KAZN: variants seen among roughly 807,000 people sequenced by gnomAD.
The protein encoded by KAZN is kazrin.
A neutral mutation model predicts 87.4 loss-of-function variants in KAZN; 40 were observed. That is an observed-to-expected ratio of 0.46 (90% CI 0.36 to 0.60). KAZN has a LOEUF of 0.60. KAZN is among the 20% of genes least tolerant of loss of function. The probability of loss-of-function intolerance (pLI) is 0.00; values close to 1 mark genes in which losing one functional copy is unlikely to be tolerated. For synonymous variants in KAZN, 466 were observed against 458.3 expected, an observed-to-expected ratio of 1.02 and a Z score of -0.22; for missense variants, 898 against 1,073.9, an observed-to-expected ratio of 0.84 and a Z score of 2.29.
intron 1 of KAZN, among the ~76,000 whole-genome samples, chr1:14,853,466 C>T (rs1310844416): frequency 6.6e-6 from 1 of 152,170 alleles, no homozygotes; most frequent in East Asian, 1.9e-4. Context: ...AGCCCCATTT[C>T]TCAGATGGGG....
chr1:13,954,092 C>T (rs1282106799), intron 1 of KAZN, among the ~76,000 whole-genome samples: 1 of 152,084 alleles, frequency 6.6e-6, no homozygotes, highest in Non-Finnish European at 1.5e-5. Flanking sequence ...GAGCAATACA[C>T]GAACAACAAA....
intron 2 of KAZN, among the ~76,000 whole-genome samples, chr1:15,006,221 T>C (rs146558212): frequency 1.4e-4 from 21 of 152,350 alleles, no homozygotes; most frequent in African/African-American, 5.1e-4. Context: ...CAAAGGAGGA[T>C]TCTCATGGCC....
At chr1:14,189,587 A>G (rs1646381928) in intron 2 of KAZN, among the ~76,000 whole-genome samples, 1 of 152,166 alleles carries the variant, frequency 6.6e-6, no homozygotes, top group Non-Finnish European at 1.5e-5. Context: ...CCTCAGCTGC[A>G]ATGACTCACC....
intron 3 of KAZN, among the ~76,000 whole-genome samples, chr1:15,039,961 A>C (rs1360582774): frequency 6.6e-6 from 1 of 152,192 alleles, no homozygotes; most frequent in East Asian, 1.9e-4. Flanking sequence ...GAAAATACTG[A>C]TTTTAAAAAA....
intron 1 of KAZN, among the ~76,000 whole-genome samples, chr1:14,722,567 G>T (rs1296653119): frequency 6.6e-6 from 1 of 152,192 alleles, no homozygotes; most frequent in Non-Finnish European, 1.5e-5. Flanking sequence ...GATTGGTGAT[G>T]TTCTTTTCCC....
Position 15,056,072 on chromosome 1 carries a change from G to C in KAZN, c.727-19G>C, listed in dbSNP as rs1456067084. The stretch of plus-strand genomic sequence containing the variant: ...CCCTTGATCATGACTTCTTCTTCCT[G>C]TCTTCTTGCTCTCTCCAGGCCAAAC... On this transcript the variant is annotated intron_variant, in intron 4 of 14. Coordinates refer to ENST00000376030, the MANE Select transcript of KAZN (RefSeq NM_201628.3). This position sits in a 1 kb window ranked among gnomAD's most constrained non-coding sequence, Gnocchi z 5.4. 6 of 1,585,292 alleles carry C rather than the reference G, an allele frequency of 3.8e-6. No homozygotes were observed. Among genetic ancestry groups the C allele is most frequent in the Non-Finnish European group, 5.2e-6 (6 of 1,158,214 alleles).
intron 1 of KAZN, among the ~76,000 whole-genome samples, chr1:14,945,611 T>C (rs1033894568): frequency 6.6e-6 from 1 of 152,154 alleles, no homozygotes; most frequent in Admixed American, 6.5e-5. Flanking sequence ...CAAACACTGC[T>C]CGTTAGTGAC....
intron 2 of KAZN, among the ~76,000 whole-genome samples, chr1:14,530,020 T>C (rs1465995169): frequency 1.3e-5 from 2 of 152,116 alleles, no homozygotes; most frequent in Non-Finnish European, 2.9e-5. Context: ...TGGCAGGTGA[T>C]AGCACAGTAT....
At chr1:14,190,330 A>G (rs1344415729) in intron 2 of KAZN, among the ~76,000 whole-genome samples, 5 of 152,130 alleles carry the variant, frequency 3.3e-5, no homozygotes, top group Non-Finnish European at 5.9e-5. Flanking sequence ...TTTTACCTCC[A>G]TTATCTCATT....
At chr1:14,580,059 A>T (rs529368801) in intron 2 of KAZN, among the ~76,000 whole-genome samples, 2 of 152,162 alleles carry the variant, frequency 1.3e-5, no homozygotes, top group Admixed American at 1.3e-4. Context: ...GGAATCCGAC[A>T]TCTTTTTTGT....
chr1:14,472,538 C>T (rs542424264), intron 2 of KAZN, among the ~76,000 whole-genome samples: 5 of 152,280 alleles, frequency 3.3e-5, no homozygotes, highest in Middle Eastern at 3.4e-3. Context: ...GTCACATGGC[C>T]ACCCCATCTT....
chr1:14,824,757 C>T (rs1646835782), intron 1 of KAZN, among the ~76,000 whole-genome samples: 1 of 152,198 alleles, frequency 6.6e-6, no homozygotes, highest in African/African-American at 2.4e-5. Flanking sequence ...GCCTCCTCTC[C>T]TATGGGGGTA....
chr1:14,800,014 A>AT (rs1366263778), intron 1 of KAZN, among the ~76,000 whole-genome samples: 4 of 152,310 alleles, frequency 2.6e-5, no homozygotes, highest in Admixed American at 2.0e-4. Flanking sequence ...GACTATCTGC[A>AT]TATCTAGGGA....
intron 2 of KAZN, among the ~76,000 whole-genome samples, chr1:15,002,810 T>A (rs755286798): frequency 1.3e-5 from 2 of 151,854 alleles, no homozygotes; most frequent in Non-Finnish European, 2.9e-5. Context: ...ACCCCGTCTC[T>A]ACTGAAAATA....
At chr1:13,956,122 TG>T (rs1423862684) in intron 1 of KAZN, among the ~76,000 whole-genome samples, 1 of 152,184 alleles carries the variant, frequency 6.6e-6, no homozygotes, top group Non-Finnish European at 1.5e-5. Flanking sequence ...TTTTATTAAC[TG>T]AGATAATGTT....
At chr1:14,117,088 A>G (rs144082001) in intron 1 of KAZN, among the ~76,000 whole-genome samples, 35 of 152,296 alleles carry the variant, frequency 2.3e-4, no homozygotes, top group African/African-American at 7.9e-4. Context: ...CTTGGATGAG[A>G]CTTCGGACTG....
intron 1 of KAZN, among the ~76,000 whole-genome samples, chr1:14,053,309 G>C (rs1642418704): frequency 6.6e-6 from 1 of 152,210 alleles, no homozygotes; most frequent in African/African-American, 2.4e-5. Flanking sequence ...GCCCTTCCCA[G>C]GTTGAACCAT....
chr1:14,598,954 C>A lies in KAZN; in HGVS notation c.-44C>A, dbSNP rs371573203. On this transcript the variant is annotated 5_prime_UTR_variant, in exon 1 of 15. Coordinates refer to ENST00000376030, the MANE Select transcript of KAZN (RefSeq NM_201628.3). This position sits in a 1 kb window ranked among gnomAD's most constrained non-coding sequence, Gnocchi z 4.2. ...GGCCGCGCGCCCCCCGCGCATCATG[C>A]AGCTCTTTGTCACCTCTCTCGCCCC... The A allele has an allele frequency of 6.4e-7, 1 of 1,559,598 alleles. No homozygotes were observed.
At chr1:14,504,988 C>T (rs777137229) in intron 2 of KAZN, among the ~76,000 whole-genome samples, 3 of 152,126 alleles carry the variant, frequency 2.0e-5, no homozygotes, top group Admixed American at 1.3e-4. Context: ...GAGAGCTGAG[C>T]CTTAGGAAGC....
Sources: gnomAD v4.1 joint callset for allele counts (sites outside exome capture counted in the v4.1 genomes callset) on GRCh38, gnomAD v4.1.1 for gene constraint, Gnocchi (gnomAD v3.1) non-coding constraint, MANE v1.5 for transcripts, NCBI Gene and HGNC (gene_info 2026-07-23, HGNC 2026-07-21) for gene names.